The following FGF14 variants were observed in gnomAD, a reference collection of about 807,000 sequenced individuals.
The protein encoded by FGF14 is fibroblast growth factor homologous factor 4.
A neutral mutation model predicts 25.5 loss-of-function variants in FGF14; 5 were observed. The observed-to-expected ratio is 0.20, with a 90% CI of 0.10 to 0.41. FGF14 has a LOEUF of 0.41. FGF14 is among the 10% of genes least tolerant of loss of function. The pLI, the probability that FGF14 is intolerant of heterozygous loss-of-function variation, is 1.00. For synonymous variants in FGF14, 138 were observed against 118.3 expected, an observed-to-expected ratio of 1.17 and a Z score of -1.08; for missense variants, 222 against 320.1, an observed-to-expected ratio of 0.69 and a Z score of 2.34.
intron 1 of FGF14, among the ~76,000 whole-genome samples, chr13:102,115,345 A>C (rs2045420104): frequency 6.6e-6 from 1 of 152,184 alleles, no homozygotes; most frequent in Non-Finnish European, 1.5e-5. Context: ...TCTTATCACA[A>C]TCATCAGACA....
chr13:102,229,340 C>G (rs983693690), intron 1 of FGF14, among the ~76,000 whole-genome samples: 1 of 152,202 alleles, frequency 6.6e-6, no homozygotes, highest in African/African-American at 2.4e-5. Context: ...TCTCACATGA[C>G]TTTTACAACT....
chr13:101,945,336 A>G lies in FGF14; in HGVS notation c.209-70040T>C, dbSNP rs142592680. 8.1e-4 allele frequency among the ~76,000 whole-genome samples: 123 copies of G among 152,382 alleles called. No homozygotes were observed. The Middle Eastern group carries it at 0.014, about 17-fold the overall frequency. ...TCCATCCCAAAAAAATAATGGTTAC[A>G]ATATTAAATTATGCATGTTTTAACA... On this transcript the variant is annotated intron_variant, in intron 1 of 4. Coordinates refer to the FGF14 transcript ENST00000376131.
At chr13:102,343,231 G>C (rs1488611714) in intron 1 of FGF14, among the ~76,000 whole-genome samples, 1 of 152,136 alleles carries the variant, frequency 6.6e-6, no homozygotes, top group Non-Finnish European at 1.5e-5. Context: ...AAGAGAGAAG[G>C]GTAATTGAAT....
Position 101,714,424 on chromosome 13 carries a change from C to T in FGF14, c.*8407G>A, listed in dbSNP as rs1566804876. ...TTATAAGGTGATGGTGAGTAATAGC[C>T]TTTGTAATTTCAGGTTCTTGTCATT... On this transcript the variant is annotated 3_prime_UTR_variant, in exon 5 of 5. Transcript: ENST00000376143. The T allele has an allele frequency of 1.4e-6, 2 of 1,455,704 alleles. No individual in the cohort carries two copies. The highest frequency in any genetic ancestry group is 1.9e-6 in the Non-Finnish European group (2 of 1,036,558). 90.2% of individuals were successfully genotyped at this position (1,455,704 alleles called of 1,614,324 possible).
chr13:102,305,258 TAA>T (rs1196549334), intron 1 of FGF14, among the ~76,000 whole-genome samples: 3 of 152,150 alleles, frequency 2.0e-5, no homozygotes, highest in Non-Finnish European at 4.4e-5. Flanking sequence ...AGTATTTCAA[TAA>T]GTTTGTAAAA....
At chr13:102,211,117 TA>T (rs1240705990) in intron 1 of FGF14, among the ~76,000 whole-genome samples, 2 of 152,076 alleles carry the variant, frequency 1.3e-5, no homozygotes, top group African/African-American at 4.8e-5. Context: ...AAAAAGAAAA[TA>T]TTATAGTTAT....
intron 1 of FGF14, among the ~76,000 whole-genome samples, chr13:101,927,702 G>C (rs2034460501): frequency 6.6e-6 from 1 of 152,054 alleles, no homozygotes; most frequent in Non-Finnish European, 1.5e-5. Context: ...TTCTACCCTC[G>C]GTGAGTCAAC....
intron 1 of FGF14, among the ~76,000 whole-genome samples, chr13:102,086,258 T>C (rs967346940): frequency 2.0e-5 from 3 of 152,172 alleles, no homozygotes; most frequent in Non-Finnish European, 4.4e-5. Context: ...GCTTCGGTCA[T>C]GCCTGTAATC....
chr13:101,981,082 AACACACAC>A (rs58666555), intron 1 of FGF14, among the ~76,000 whole-genome samples: 4,680 of 123,740 alleles, frequency 0.038, 231 homozygotes, highest in African/African-American at 0.13. Context: ...TCTCTACTAA[AACACACAC>A]ACACACACAC....
intron 3 of FGF14, among the ~76,000 whole-genome samples, chr13:101,836,140 C>G (rs1324426030): frequency 6.6e-6 from 1 of 152,006 alleles, no homozygotes; most frequent in African/African-American, 2.4e-5. Context: ...GGTATTAGCA[C>G]TTTGCTTGTA....
chr13:102,095,272 G>A (rs1023604395), intron 1 of FGF14, among the ~76,000 whole-genome samples: 1 of 152,106 alleles, frequency 6.6e-6, no homozygotes, highest in African/African-American at 2.4e-5. Context: ...AGAGCTAATG[G>A]ACCGCCAGAG....
intron 1 of FGF14, among the ~76,000 whole-genome samples, chr13:102,195,966 A>T (rs938441808): frequency 3.3e-5 from 5 of 152,210 alleles, no homozygotes; most frequent in African/African-American, 1.2e-4. Context: ...GAATTAGATC[A>T]GTATTGAGAT....
intron 3 of FGF14, among the ~76,000 whole-genome samples, chr13:101,803,909 C>T (rs931342075): frequency 7.2e-5 from 11 of 151,836 alleles, no homozygotes; most frequent in African/African-American, 1.2e-4. Flanking sequence ...GTTTGGAGCT[C>T]GGAAGAGGAA....
Position 102,145,487 on chromosome 13 carries a change from CA to C in FGF14, c.208+255983del, listed in dbSNP as rs377765051. On this transcript the variant is annotated intron_variant, in intron 1 of 4. Coordinates refer to the FGF14 transcript ENST00000376131. ...ACCAACACTAGAATTTCCCTTCCTC[CA>C]GGCTTTTAATTTATATTTAAGAACA... Among the ~76,000 whole-genome samples the C allele has an allele frequency of 4.2e-3, 633 of 152,268 alleles. 4 individuals carry two copies. Among genetic ancestry groups the C allele is most frequent in the African/African-American group, 0.014 (594 of 41,562 alleles).
chr13:101,924,951 T>A (rs539591074), intron 1 of FGF14, among the ~76,000 whole-genome samples: 84 of 152,306 alleles, frequency 5.5e-4, no homozygotes, highest in African/African-American at 2.0e-3. Context: ...GATTATCTGA[T>A]TCCCCTGAAA....
chr13:102,050,779 A>G (rs1476205136), intron 1 of FGF14, among the ~76,000 whole-genome samples: 1 of 152,176 alleles, frequency 6.6e-6, no homozygotes, highest in Admixed American at 6.5e-5. Context: ...AGTAGAGAGA[A>G]AAAAAACATA....
intron 1 of FGF14, 72 bp from the exon 2 acceptor site, chr13:101,875,368 C>G: frequency 1.9e-6 from 2 of 1,079,636 alleles, no homozygotes; most frequent in East Asian, 4.8e-5. Flanking sequence ...TTCTGTTTCT[C>G]TTTCTTTTTT....
chr13:102,183,828 T>C (rs1322712891), intron 1 of FGF14, among the ~76,000 whole-genome samples: 2 of 152,118 alleles, frequency 1.3e-5, no homozygotes, highest in South Asian at 2.1e-4. Flanking sequence ...GAAAATAGTC[T>C]AAGATGTGGG....
intron 3 of FGF14, among the ~76,000 whole-genome samples, chr13:101,733,860 TTTGA>T (rs1209710139): frequency 6.6e-6 from 1 of 151,748 alleles, no homozygotes; most frequent in Non-Finnish European, 1.5e-5. Context: ...TATATGTTAC[TTTGA>T]TTCATTATAT....
Sources: gnomAD v4.1 joint callset for allele counts (sites outside exome capture counted in the v4.1 genomes callset) on GRCh38, gnomAD v4.1.1 for gene constraint, MANE v1.5 for transcripts, NCBI Gene and HGNC (gene_info 2026-07-23, HGNC 2026-07-21) for gene names.